AGBL4: variants seen among roughly 807,000 people sequenced by gnomAD.
AGBL4 encodes the protein AGBL carboxypeptidase 4, also known as cytosolic carboxypeptidase 6.
AGBL4 carries 58 observed loss-of-function variants against 66.4 expected under a neutral mutation model. The observed-to-expected ratio is 0.87, with a 90% CI of 0.71 to 1.09. The LOEUF is 1.09. Ranked by LOEUF, AGBL4 falls within the 50% of genes least tolerant of loss-of-function variation. AGBL4 has a pLI of 0.00. For synonymous variants in AGBL4, 234 were observed against 222.9 expected, an observed-to-expected ratio of 1.05 and a Z score of -0.44; for missense variants, 579 against 631.0, an observed-to-expected ratio of 0.92 and a Z score of 0.88.
chr1:49,052,865 T>G (rs4132756), intron 4 of AGBL4, among the ~76,000 whole-genome samples: 66,603 of 152,070 alleles, frequency 0.44, 16,981 homozygotes, highest in Non-Finnish European at 0.58. Flanking sequence ...CTACGTGCAA[T>G]TCTAGCTTTG....
intron 5 of AGBL4, among the ~76,000 whole-genome samples, chr1:48,879,188 G>C (rs1427557702): frequency 6.7e-6 from 1 of 148,798 alleles, no homozygotes; most frequent in Non-Finnish European, 1.5e-5. Flanking sequence ...AAGCAAATGT[G>C]TTCAGTATAA....
At chr1:49,640,282 G>A (rs983058539) in intron 3 of AGBL4, among the ~76,000 whole-genome samples, 14 of 152,102 alleles carry the variant, frequency 9.2e-5, no homozygotes, top group Non-Finnish European at 1.5e-4. Context: ...AGGTGATGGG[G>A]ATTTAAACAA....
intron 1 of AGBL4, among the ~76,000 whole-genome samples, chr1:49,888,934 AAAAT>A (rs1226150249): frequency 6.6e-6 from 1 of 152,246 alleles, no homozygotes; most frequent in Non-Finnish European, 1.5e-5. Flanking sequence ...AACAAAAAAC[AAAAT>A]AAATAAAGTA....
At chr1:48,588,735 A>C (rs1329078432) in intron 10 of AGBL4, among the ~76,000 whole-genome samples, 1 of 151,350 alleles carries the variant, frequency 6.6e-6, no homozygotes, top group African/African-American at 2.4e-5. Flanking sequence ...TCAGATCTGA[A>C]AGACCTTTGA....
intron 4 of AGBL4, among the ~76,000 whole-genome samples, chr1:49,135,787 T>C (rs1442281178): frequency 6.6e-6 from 1 of 152,120 alleles, no homozygotes; most frequent in Non-Finnish European, 1.5e-5. Flanking sequence ...CCTTCCAGCT[T>C]GGGCGTTAGG....
At chr1:49,385,281 G>A (rs1644713731) in intron 3 of AGBL4, among the ~76,000 whole-genome samples, 2 of 152,068 alleles carry the variant, frequency 1.3e-5, no homozygotes, top group African/African-American at 4.8e-5. Context: ...GGTTAGGACG[G>A]TAAATTTTAT....
chr1:49,953,663 TTTGGA>T (rs1656349197), intron 1 of AGBL4, among the ~76,000 whole-genome samples: 1 of 151,846 alleles, frequency 6.6e-6, no homozygotes, highest in Admixed American at 6.6e-5. Context: ...ATTTCAGATT[TTTGGA>T]TTAGGGATGC....
At chr1:49,776,451 T>C (rs942702118) in intron 2 of AGBL4, among the ~76,000 whole-genome samples, 1 of 152,092 alleles carries the variant, frequency 6.6e-6, no homozygotes, top group East Asian at 1.9e-4. Context: ...ATCCAGAATC[T>C]TTAACACTGT....
chr1:48,582,080 G>A lies in AGBL4; in HGVS notation c.1267+4924C>T, dbSNP rs377095979. Among the ~76,000 whole-genome samples, 4 of 152,244 alleles carry A rather than the reference G, an allele frequency of 2.6e-5. No individual in the cohort carries two copies. The East Asian group carries it at 7.7e-4, about 29-fold the overall frequency. On this transcript the variant is annotated intron_variant, in intron 11 of 13. Transcript: ENST00000371839. The stretch of plus-strand genomic sequence containing the variant: ...TGCATACATTTTAGATGGTTCACAG[G>A]GTTTTGTTGAAGCCATCTGTAAGCC...
intron 5 of AGBL4, among the ~76,000 whole-genome samples, chr1:48,881,671 C>A (rs1649800524): frequency 6.6e-6 from 1 of 151,960 alleles, no homozygotes; most frequent in South Asian, 2.1e-4. Context: ...CTGATCTCCC[C>A]CCTCCACTTT....
chr1:48,621,535 A>G (rs7541412), intron 9 of AGBL4, among the ~76,000 whole-genome samples: 4,421 of 152,296 alleles, frequency 0.029, 195 homozygotes, highest in African/African-American at 0.1. Context: ...GAGGAAAAAA[A>G]GCACCCTAGG....
At chr1:49,340,992 G>C (rs1056076019) in intron 3 of AGBL4, among the ~76,000 whole-genome samples, 3 of 152,202 alleles carry the variant, frequency 2.0e-5, no homozygotes, top group African/African-American at 7.2e-5. Context: ...CCTTGTAGTA[G>C]AGCACATCTT....
At chr1:49,161,474 A>G (rs1283018158) in intron 4 of AGBL4, among the ~76,000 whole-genome samples, 1 of 152,212 alleles carries the variant, frequency 6.6e-6, no homozygotes, top group Non-Finnish European at 1.5e-5. Flanking sequence ...TGGGAGCTGC[A>G]GACCAGAGCT....
At position 49,238,972 on chromosome 1, in the gene AGBL4, T is replaced by C. The variant is rs531067459; in HGVS notation, c.377+6798A>G. ...CTCCACCTTTCAGAGTTTTCTATGT[T>C]TGTTTCATAAATGCTGTGTATAGTT... is the stretch of plus-strand genomic sequence containing the variant. On this transcript the variant is annotated intron_variant, in intron 4 of 13. Coordinates refer to ENST00000371839, the MANE Select transcript of AGBL4 (RefSeq NM_032785.4). 2.9e-4 allele frequency among the ~76,000 whole-genome samples: 44 copies of C among 152,304 alleles called. 1 individual carries two copies. The highest frequency in any genetic ancestry group is 1.0e-3 in the African/African-American group (42 of 41,572).
At chr1:49,454,666 A>G (rs1646351272) in intron 3 of AGBL4, among the ~76,000 whole-genome samples, 1 of 151,640 alleles carries the variant, frequency 6.6e-6, no homozygotes, top group Non-Finnish European at 1.5e-5. Context: ...TTCATTAAGT[A>G]CTTAAGGGAG....
At chr1:49,132,980 GA>G (rs773802176) in intron 4 of AGBL4, among the ~76,000 whole-genome samples, 16 of 152,150 alleles carry the variant, frequency 1.1e-4, no homozygotes, top group Non-Finnish European at 1.6e-4. Context: ...CAAAGCCTTG[GA>G]ACCAACCCAA....
chr1:49,076,785 C>G (rs529982080), intron 4 of AGBL4, among the ~76,000 whole-genome samples: 1 of 152,282 alleles, frequency 6.6e-6, no homozygotes, highest in East Asian at 1.9e-4. Flanking sequence ...TATTTAAAAG[C>G]TTCCCACAGT....
intron 1 of AGBL4, among the ~76,000 whole-genome samples, chr1:49,948,376 TATAA>T (rs1655671351): frequency 8.6e-6 from 1 of 116,482 alleles, no homozygotes. Context: ...ACATAAAATA[TATAA>T]ATATATATAA....
chr1:48,765,207 C>T (rs1054980205), intron 6 of AGBL4, among the ~76,000 whole-genome samples: 2 of 152,214 alleles, frequency 1.3e-5, no homozygotes, highest in African/African-American at 4.8e-5. Context: ...GTAACCTCAT[C>T]AGGGCAGGGC....
Sources: gnomAD v4.1 joint callset for allele counts (sites outside exome capture counted in the v4.1 genomes callset) on GRCh38, gnomAD v4.1.1 for gene constraint, MANE v1.5 for transcripts, NCBI Gene and HGNC (gene_info 2026-07-23, HGNC 2026-07-21) for gene names.